Variants in FAXC observed in about 807,000 individuals in gnomAD.
FAXC encodes the protein failed axon connections homolog, metaxin like GST domain containing.
Under a neutral mutation model 41.9 loss-of-function variants are expected in FAXC, and 10 were observed. The observed-to-expected ratio is 0.24, with a 90% CI of 0.15 to 0.41. The LOEUF (loss-of-function observed/expected upper bound fraction) is 0.41, where lower values mean the gene tolerates loss of function less well. Among genes scored for constraint, FAXC ranks in the 10% least tolerant of loss-of-function variants. The pLI, the probability that FAXC is intolerant of heterozygous loss-of-function variation, is 1.00. For synonymous variants in FAXC, 183 were observed against 183.8 expected, an observed-to-expected ratio of 1.00 and a Z score of 0.03; for missense variants, 399 against 510.9, an observed-to-expected ratio of 0.78 and a Z score of 2.11.
chr6:99,293,698 G>GTGTGTGTC (rs1554198515), intron 4 of FAXC, among the ~76,000 whole-genome samples: 211 of 143,966 alleles, frequency 1.5e-3, no homozygotes, highest in Non-Finnish European at 2.4e-3. Context: ...GTGTGTGTGT[G>GTGTGTGTC]TGTGTGTGTG....
rs34319104 is a variant in FAXC at position 99,290,101 on chromosome 6, CCACACA to C, written c.940+1597_940+1602del. On this transcript the variant is annotated intron_variant, in intron 5 of 5. Transcript: ENST00000389677. ...CTGTATATCCCACCACCCTACCCCA[CCACACA>C]CACACACACACACACACACACACAC... is the stretch of plus-strand genomic sequence containing the variant. Among the ~76,000 whole-genome samples the C allele has an allele frequency of 3.2e-3, 460 of 142,570 alleles. 4 individuals carry two copies. Among genetic ancestry groups the C allele is most frequent in the African/African-American group, 0.011 (428 of 37,646 alleles). 93.5% of individuals were successfully genotyped at this position (142,570 alleles called of 152,430 possible). A position where few individuals can be genotyped will look rare whatever the true frequency, so the allele number is the denominator to read the frequency against.
At chr6:99,345,109 T>G (rs779657251) in intron 1 of FAXC, among the ~76,000 whole-genome samples, 3 of 152,172 alleles carry the variant, frequency 2.0e-5, no homozygotes, top group African/African-American at 7.2e-5. Flanking sequence ...CAATTTAAGA[T>G]TGACTCTGAA....
intron 4 of FAXC, among the ~76,000 whole-genome samples, chr6:99,295,930 G>T (rs1425327234): frequency 2.0e-5 from 3 of 152,128 alleles, no homozygotes; most frequent in Admixed American, 6.5e-5. Flanking sequence ...GTTATCTGAA[G>T]CAAATATTAC....
At chr6:99,314,853 C>T (rs768825403) in intron 4 of FAXC, among the ~76,000 whole-genome samples, 5 of 152,146 alleles carry the variant, frequency 3.3e-5, no homozygotes, top group Non-Finnish European at 5.9e-5. Flanking sequence ...CTAGTCCACG[C>T]TATTCTACTC....
At chr6:99,337,400 T>G (rs995368951) in intron 2 of FAXC, among the ~76,000 whole-genome samples, 1 of 152,238 alleles carries the variant, frequency 6.6e-6, no homozygotes, top group Non-Finnish European at 1.5e-5. Flanking sequence ...TTTTGTGAAA[T>G]GTATGCTTCT....
At position 99,349,456 on chromosome 6, in the gene FAXC, G is replaced by C. The variant is rs1367257440; in HGVS notation, c.-84C>G. Reference sequence around the variant, plus strand: ...GCCGGCGCGGCCCGGCGCGGGCTCAGAGGCGCGCGGAGGGCGCGGGCGGCG... The same window carrying C: ...GCCGGCGCGGCCCGGCGCGGGCTCACAGGCGCGCGGAGGGCGCGGGCGGCG... On this transcript the variant is annotated 5_prime_UTR_variant, in exon 1 of 6. Coordinates refer to ENST00000389677, the MANE Select transcript of FAXC (RefSeq NM_032511.4). The C allele has an allele frequency of 2.0e-6, 2 of 1,003,138 alleles. No individual in the cohort carries two copies. The highest frequency in any genetic ancestry group is 1.7e-5 in the African/African-American group (1 of 57,266). The allele number at this position is 1,003,138 out of a possible 1,614,324, so 62.1% of individuals were successfully genotyped here.
rs1770675279 is a variant in FAXC, at chr6:99,277,552, C to A, written c.*3612G>T. ...TGATTTGGGAATCCATCTTGCTATT[C>A]TTCAGAGTCTAGCAATACCCTGCAC... On this transcript the variant is annotated 3_prime_UTR_variant, in exon 6 of 6. Coordinates refer to ENST00000389677, the MANE Select transcript of FAXC (RefSeq NM_032511.4). 6.6e-6 allele frequency: 1 copy of A among 152,194 alleles called. No individual in the cohort carries two copies. The allele number at this position is 152,194 out of a possible 1,614,324, so 9.4% of individuals were successfully genotyped here. A position where few individuals can be genotyped will look rare whatever the true frequency, so the allele number is the denominator to read the frequency against.
At chr6:99,294,231 C>G (rs188955485) in intron 4 of FAXC, among the ~76,000 whole-genome samples, 1 of 152,184 alleles carries the variant, frequency 6.6e-6, no homozygotes. Context: ...ACCAACCGGA[C>G]AGAAATAATA....
chr6:99,310,856 T>C (rs1449239645), intron 4 of FAXC, among the ~76,000 whole-genome samples: 1 of 152,212 alleles, frequency 6.6e-6, no homozygotes, highest in Non-Finnish European at 1.5e-5. Context: ...GCTGCTGTGT[T>C]GTAAGCAAGC....
chr6:99,334,069 T>C (rs989597613), intron 2 of FAXC, among the ~76,000 whole-genome samples: 5 of 152,326 alleles, frequency 3.3e-5, no homozygotes, highest in Admixed American at 3.3e-4. Flanking sequence ...TAGCAAAGTA[T>C]GTACAACATA....
At chr6:99,318,306 C>CACACACACAAA (rs147852055) in intron 4 of FAXC, among the ~76,000 whole-genome samples, 5 of 135,230 alleles carry the variant, frequency 3.7e-5, no homozygotes, top group African/African-American at 1.1e-4. Context: ...CACACACACA[C>CACACACACAAA]AAAATAGAAG....
intron 3 of FAXC, among the ~76,000 whole-genome samples, chr6:99,323,996 C>A (rs1485718318): frequency 2.0e-5 from 3 of 152,104 alleles, no homozygotes; most frequent in Admixed American, 6.5e-5. Context: ...TAGAAACCCA[C>A]TGGAAAAGTC....
chr6:99,304,794 G>T (rs955522253), intron 4 of FAXC, among the ~76,000 whole-genome samples: 1 of 152,174 alleles, frequency 6.6e-6, no homozygotes, highest in African/African-American at 2.4e-5. Context: ...CAGAAAGTAG[G>T]GGAGGGGAGG....
Position 99,280,002 on chromosome 6 carries a change from A to C in FAXC, c.*1162T>G, listed in dbSNP as rs1297239225. Reference sequence around the variant, plus strand: ...TACAAGTTGGCAGGCTTCTGCTTATAAAAATCAATGAAATACTTTCCCTTC... The same window carrying C: ...TACAAGTTGGCAGGCTTCTGCTTATCAAAATCAATGAAATACTTTCCCTTC... On this transcript the variant is annotated 3_prime_UTR_variant, in exon 6 of 6. Transcript: ENST00000389677. The C allele has an allele frequency of 6.6e-6, 1 of 152,236 alleles. No homozygotes were observed. The allele number at this position is 152,236 out of a possible 1,614,324, so 9.4% of individuals were successfully genotyped here.
intron 4 of FAXC, among the ~76,000 whole-genome samples, chr6:99,307,596 G>A (rs185202522): frequency 2.8e-4 from 42 of 152,250 alleles, no homozygotes; most frequent in Middle Eastern, 3.4e-3. Context: ...GGGGTGTTGC[G>A]GGCTAAGCAG....
At position 99,281,170 on chromosome 6, in the gene FAXC, G is replaced by A; in HGVS notation, c.1224C>T (p.Cys408=). 1 of 1,374,260 alleles carries A rather than the reference G, an allele frequency of 7.3e-7. No homozygotes were observed. Among genetic ancestry groups the A allele is most frequent in the Non-Finnish European group, 1.0e-6 (1 of 961,256 alleles). 85.1% of individuals were successfully genotyped at this position (1,374,260 alleles called of 1,614,324 possible). A position where few individuals can be genotyped will look rare whatever the true frequency, so the allele number is the denominator to read the frequency against. ...DMDDYTDHEQ[C]K ...GGGTCAGTGAGGCTGGACGTCACTT[G>A]CACTGTTCGTGGTCTGTATAGTCAT... Residue 408 remains cysteine (C), a synonymous_variant, in exon 6 of 6, where the codon TGC becomes TGT. Transcript: ENST00000389677.
chr6:99,307,724 G>C (rs1032692718), intron 4 of FAXC, among the ~76,000 whole-genome samples: 2 of 152,132 alleles, frequency 1.3e-5, no homozygotes, highest in Non-Finnish European at 2.9e-5. Context: ...GGTAACTGCA[G>C]GGCTGAGGCT....
rs201175245 is a variant in FAXC at position 99,281,432 on chromosome 6, A to C, written c.962T>G (p.Met321Arg). The C allele has an allele frequency of 2.2e-5, 35 of 1,613,344 alleles. No individual in the cohort carries two copies. Among genetic ancestry groups the C allele is most frequent in the Non-Finnish European group, 2.5e-5 (30 of 1,179,340 alleles). The change falls in exon 6 of 6, where the codon ATG becomes AGG. Residue 321 changes from methionine (M) to arginine (R), a missense_variant. Physicochemically the swap from Met to Arg is moderately conservative, Grantham distance 91. Transcript: ENST00000389677. ...LIKGELINLAMYCERIRRKFW... is the reference protein window; with the variant it reads ...LIKGELINLARYCERIRRKFW... ...TTTCCTCCTTATCCTCTCACAGTACATGGCAAGGTTGATCAGCTCACCTGC... is the reference window on the plus strand; with the variant it reads ...TTTCCTCCTTATCCTCTCACAGTACCTGGCAAGGTTGATCAGCTCACCTGC...
intron 5 of FAXC, among the ~76,000 whole-genome samples, chr6:99,287,425 A>G (rs1244687130): frequency 6.6e-6 from 1 of 152,148 alleles, no homozygotes; most frequent in African/African-American, 2.4e-5. Flanking sequence ...GAAGCAAATT[A>G]TTATTCATAT....
Sources: allele counts gnomAD v4.1 joint callset (sites outside exome capture counted in the v4.1 genomes callset), GRCh38; gene constraint gnomAD v4.1.1; transcripts MANE v1.5; gene names NCBI Gene and HGNC (gene_info 2026-07-23, HGNC 2026-07-21).